GALNT13: variants seen among roughly 807,000 people sequenced by gnomAD.
GALNT13 encodes polypeptide N-acetylgalactosaminyltransferase 13, also known as UDP-GalNAc:polypeptide N-acetylgalactosaminyltransferase 13.
Under a neutral mutation model 64.2 loss-of-function variants are expected in GALNT13, and 28 were observed. The observed-to-expected ratio is 0.44, with a 90% CI of 0.32 to 0.60. The LOEUF is 0.60. Ranked by LOEUF, GALNT13 falls within the 20% of genes least tolerant of loss-of-function variation. The pLI is 0.05. For synonymous variants in GALNT13, 214 were observed against 224.6 expected, an observed-to-expected ratio of 0.95 and a Z score of 0.42; for missense variants, 577 against 669.8, an observed-to-expected ratio of 0.86 and a Z score of 1.53.
At chr2:153,882,844 G>T (rs1686874544) in intron 1 of GALNT13, among the ~76,000 whole-genome samples, 1 of 150,818 alleles carries the variant, frequency 6.6e-6, no homozygotes. Context: ...TACCCAGGCT[G>T]GTATTCCTTC....
chr2:153,457,667 G>A, the GALNT13 span, among the ~76,000 whole-genome samples: 1 of 152,252 alleles, frequency 6.6e-6, no homozygotes, highest in Non-Finnish European at 1.5e-5. Flanking sequence ...TGAGTAAATA[G>A]AATCATGGGG....
At position 153,945,531 on chromosome 2, in the gene GALNT13, G is replaced by A. The variant is rs182651350; in HGVS notation, c.142+892G>A. Among the ~76,000 whole-genome samples the A allele has an allele frequency of 5.6e-3, 852 of 152,170 alleles. 3 individuals carry two copies. Among genetic ancestry groups the A allele is most frequent in the Non-Finnish European group, 0.01 (682 of 67,992 alleles). On this transcript the variant is annotated intron_variant, in intron 3 of 12. Transcript: ENST00000392825. ...TCAATTGAAGTATCATGACATGTTT[G>A]TACCTTTTGGAAAAGTGAATCTAAA...
At chr2:153,758,381 A>C in the GALNT13 span, among the ~76,000 whole-genome samples, 1 of 150,900 alleles carries the variant, frequency 6.6e-6, no homozygotes, top group Non-Finnish European at 1.5e-5. Flanking sequence ...ATGCTGTTTT[A>C]ATTACTATCA....
At chr2:153,943,476 A>G (rs1691488881) in intron 2 of GALNT13, among the ~76,000 whole-genome samples, 1 of 146,412 alleles carries the variant, frequency 6.8e-6, no homozygotes, top group Non-Finnish European at 1.5e-5. Flanking sequence ...TATTTATTTT[A>G]TTTTATTTTT....
the GALNT13 span, among the ~76,000 whole-genome samples, chr2:153,681,889 A>T: frequency 6.6e-6 from 1 of 151,794 alleles, no homozygotes; most frequent in Non-Finnish European, 1.5e-5. Flanking sequence ...TTACAGAAAT[A>T]CGCACAAGAA....
chr2:153,288,258 G>C, the GALNT13 span, among the ~76,000 whole-genome samples: 2 of 152,088 alleles, frequency 1.3e-5, no homozygotes, highest in African/African-American at 4.8e-5. Context: ...TATAAAGAAT[G>C]TGCCCTATAT....
the GALNT13 span, among the ~76,000 whole-genome samples, chr2:153,649,443 G>T: frequency 1.3e-5 from 2 of 150,672 alleles, no homozygotes; most frequent in Non-Finnish European, 3.0e-5. Context: ...TTTTTGAAGG[G>T]TTTTTTGTGT....
intron 9 of GALNT13, among the ~76,000 whole-genome samples, chr2:154,374,238 C>T (rs1697853646): frequency 6.6e-6 from 1 of 152,176 alleles, no homozygotes; most frequent in African/African-American, 2.4e-5. Context: ...ATTCGGTAAG[C>T]ATCATTCAAA....
At chr2:154,062,573 C>CAG (rs1700243553) in intron 3 of GALNT13, among the ~76,000 whole-genome samples, 1 of 152,106 alleles carries the variant, frequency 6.6e-6, no homozygotes, top group Admixed American at 6.6e-5. Context: ...ATGCAGGAAA[C>CAG]AGAGAGAGAA....
the GALNT13 span, among the ~76,000 whole-genome samples, chr2:153,149,240 T>C: frequency 6.6e-6 from 1 of 151,898 alleles, no homozygotes; most frequent in Non-Finnish European, 1.5e-5. Flanking sequence ...ATTTTACAGA[T>C]GAAGGGGCTC....
chr2:153,385,777 G>T, the GALNT13 span, among the ~76,000 whole-genome samples: 1 of 151,756 alleles, frequency 6.6e-6, no homozygotes, highest in Non-Finnish European at 1.5e-5. Context: ...TCCATGATGC[G>T]ATTATTACAA....
intron 4 of GALNT13, among the ~76,000 whole-genome samples, chr2:154,240,664 G>T (rs943416609): frequency 6.6e-6 from 1 of 152,104 alleles, no homozygotes. Context: ...TAGTGGGAGC[G>T]TGCTACCGTG....
chr2:153,848,201 C>T, the GALNT13 span, among the ~76,000 whole-genome samples: 1 of 152,184 alleles, frequency 6.6e-6, no homozygotes, highest in African/African-American at 2.4e-5. Context: ...GGGATTTAAG[C>T]TTCCAATCAC....
intron 9 of GALNT13, among the ~76,000 whole-genome samples, chr2:154,375,760 GT>G (rs1212607180): frequency 6.6e-6 from 1 of 152,060 alleles, no homozygotes; most frequent in Non-Finnish European, 1.5e-5. Flanking sequence ...GAGAGGGACT[GT>G]TTTTTTGCAC....
intron 4 of GALNT13, among the ~76,000 whole-genome samples, chr2:154,230,341 G>C (rs966277947): frequency 6.6e-6 from 1 of 152,042 alleles, no homozygotes; most frequent in Non-Finnish European, 1.5e-5. Context: ...ATTTATTCCA[G>C]GCAACTAATT....
the GALNT13 span, among the ~76,000 whole-genome samples, chr2:153,609,178 C>CTGCT: frequency 4.1e-5 from 5 of 121,172 alleles, no homozygotes; most frequent in Middle Eastern, 4.1e-3. Context: ...GTGAGCCTGC[C>CTGCT]TCAGCCCCCC....
the GALNT13 span, among the ~76,000 whole-genome samples, chr2:153,248,919 TATC>T: frequency 6.8e-6 from 1 of 146,082 alleles, no homozygotes; most frequent in Admixed American, 6.8e-5. Context: ...CCAGAACAAA[TATC>T]ATACAGAATG....
At chr2:153,990,615 A>G (rs1695097249) in intron 3 of GALNT13, among the ~76,000 whole-genome samples, 1 of 152,198 alleles carries the variant, frequency 6.6e-6, no homozygotes, top group Non-Finnish European at 1.5e-5. Flanking sequence ...AGAGTCTGGC[A>G]TAACATTCAT....
chr2:153,155,843 T>A, the GALNT13 span, among the ~76,000 whole-genome samples: 1 of 152,000 alleles, frequency 6.6e-6, no homozygotes, highest in Non-Finnish European at 1.5e-5. Context: ...AATTTGACAT[T>A]TTTCTAACTT....
Sources: gnomAD v4.1 joint callset for allele counts (sites outside exome capture counted in the v4.1 genomes callset) on GRCh38, gnomAD v4.1.1 for gene constraint, MANE v1.5 for transcripts, NCBI Gene and HGNC (gene_info 2026-07-23, HGNC 2026-07-21) for gene names.